The following TAS1R2 variants were observed in gnomAD, a reference collection of about 807,000 sequenced individuals.
The protein encoded by TAS1R2 is taste 1 receptor member 2.
TAS1R2 carries 47 observed loss-of-function variants against 49.3 expected under a neutral mutation model. The observed-to-expected ratio is 0.95, with a 90% CI of 0.75 to 1.22. TAS1R2 has a LOEUF of 1.22. TAS1R2 is among the 50% of genes most tolerant of loss of function. TAS1R2 has a pLI of 0.00. For synonymous variants in TAS1R2, 479 were observed against 467.9 expected, an observed-to-expected ratio of 1.02 and a Z score of -0.31; for missense variants, 1,155 against 1,122.1, an observed-to-expected ratio of 1.03 and a Z score of -0.42.
Position 18,854,686 on chromosome 1 carries a change from C to T in TAS1R2, c.784G>A (p.Asp262Asn), listed in dbSNP as rs1007497356. 2 of 1,613,720 alleles carry T rather than the reference C, an allele frequency of 1.2e-6. No homozygotes were observed. Among genetic ancestry groups the T allele is most frequent in the Non-Finnish European group, 1.7e-6 (2 of 1,179,966 alleles). ...CGCGCTGTGCTCTGCTGCAGCTTGT[C>T]CACAATGGTCACCAGGCGCTGGCGC... The change falls in exon 3 of 6, where the codon GAC becomes AAC. Residue 262 changes from aspartate (D) to asparagine (N), a missense_variant. Asp to Asn is a conservative substitution (Grantham distance 23). Transcript: ENST00000375371. This position sits in a 1 kb window ranked among gnomAD's most constrained non-coding sequence, Gnocchi z 4.9.
intron 4 of TAS1R2, among the ~76,000 whole-genome samples, chr1:18,845,471 G>A (rs1933901811): frequency 6.6e-6 from 1 of 152,202 alleles, no homozygotes; most frequent in Non-Finnish European, 1.5e-5. Context: ...ACCCATTGCA[G>A]CATTGGTGCT....
At chr1:18,850,422 G>A (rs2100516281) in intron 3 of TAS1R2, among the ~76,000 whole-genome samples, 1 of 152,354 alleles carries the variant, frequency 6.6e-6, no homozygotes, top group East Asian at 1.9e-4. Context: ...GTCGGGCCCT[G>A]GCCTTCTCCC....
At position 18,854,793 on chromosome 1, in the gene TAS1R2, C is replaced by A. The variant is rs777052368; in HGVS notation, c.677G>T (p.Arg226Leu). ...GATGCAGATGTCGCGCCGGGCCACGCGCTCGCCAAGCAGCTGGCCATTGTC... is the reference window on the plus strand; with the variant it reads ...GATGCAGATGTCGCGCCGGGCCACGAGCTCGCCAAGCAGCTGGCCATTGTC... Residue 226 changes from arginine (R) to leucine (L), a missense_variant, in exon 3 of 6, where the codon CGC becomes CTC. Transcript: ENST00000375371. This position sits in a 1 kb window ranked among gnomAD's most constrained non-coding sequence, Gnocchi z 4.9. 2.5e-6 allele frequency: 4 copies of A among 1,605,318 alleles called. No homozygotes were observed. In the South Asian group the frequency reaches 4.4e-5, roughly 18 times the overall value.
chr1:18,854,703 C>A lies in TAS1R2; in HGVS notation c.767G>T (p.Arg256Leu). 1 of 1,613,534 alleles carries A rather than the reference C, an allele frequency of 6.2e-7. No individual in the cohort carries two copies. The highest frequency in any genetic ancestry group is 8.5e-7 in the Non-Finnish European group (1 of 1,179,912). The stretch of plus-strand genomic sequence containing the variant: ...CAGCTTGTCCACAATGGTCACCAGG[C>A]GCTGGCGCTCCTCTGACGTCATGTT... The change falls in exon 3 of 6, where the codon CGC becomes CTC. Residue 256 changes from arginine to leucine, a missense_variant. Coordinates refer to ENST00000375371, the Ensembl canonical transcript of TAS1R2. The surrounding 1 kb of genome is among the most constrained non-coding windows in gnomAD (Gnocchi z 4.9).
chr1:18,840,982 C>T lies in TAS1R2; in HGVS notation c.1592-455G>A, dbSNP rs1360322980. Among the ~76,000 whole-genome samples, 3 of 152,206 alleles carry T rather than the reference C, an allele frequency of 2.0e-5. No individual in the cohort carries two copies. The South Asian group carries it at 6.2e-4, about 32-fold the overall frequency. On this transcript the variant is annotated intron_variant, in intron 5 of 5. Coordinates refer to ENST00000375371, the Ensembl canonical transcript of TAS1R2. Reference sequence around the variant, plus strand: ...GATGGATAAAACCCAGCCCTCACCTCGCCGCTATTGACTGACTGTGGGAGG... The same window carrying T: ...GATGGATAAAACCCAGCCCTCACCTTGCCGCTATTGACTGACTGTGGGAGG...
At chr1:18,848,054 C>G (rs1933953946) in intron 4 of TAS1R2, among the ~76,000 whole-genome samples, 1 of 152,158 alleles carries the variant, frequency 6.6e-6, no homozygotes, top group Admixed American at 6.5e-5. Flanking sequence ...ACACTGGATC[C>G]CTCTCACAAC....
chr1:18,841,799 A>C (rs1242584461), exon 5 of TAS1R2: 25 of 1,613,728 alleles, frequency 1.5e-5, no homozygotes, highest in Non-Finnish European at 1.9e-5. Flanking sequence ...GGATGCCCAC[A>C]GGCTTCTTCT....
At chr1:18,845,030 G>C (rs946679629) in intron 4 of TAS1R2, among the ~76,000 whole-genome samples, 1 of 152,200 alleles carries the variant, frequency 6.6e-6, no homozygotes, top group Non-Finnish European at 1.5e-5. Context: ...ACTGCTGAAA[G>C]ATCTATTACA....
chr1:18,840,151 G>C, exon 6 of TAS1R2: 2 of 1,614,254 alleles, frequency 1.2e-6, no homozygotes, highest in Non-Finnish European at 1.7e-6. Context: ...TGAAGGCGCA[G>C]ACGATCTGGA....
At chr1:18,853,672 A>G (rs1378466922) in intron 3 of TAS1R2, among the ~76,000 whole-genome samples, 1 of 152,180 alleles carries the variant, frequency 6.6e-6, no homozygotes, top group East Asian at 1.9e-4. Flanking sequence ...GATCTCTAAC[A>G]GCAAAGTATA....
intron 4 of TAS1R2, among the ~76,000 whole-genome samples, chr1:18,846,398 G>A (rs1251109781): frequency 6.6e-6 from 1 of 152,080 alleles, no homozygotes; most frequent in African/African-American, 2.4e-5. Flanking sequence ...TGTTCTCTTG[G>A]ACCAACTTTC....
At chr1:18,841,052 G>C (rs759662254) in intron 5 of TAS1R2, among the ~76,000 whole-genome samples, 3 of 152,220 alleles carry the variant, frequency 2.0e-5, no homozygotes, top group Admixed American at 6.5e-5. Context: ...CACCTGCTCT[G>C]TGTCCTGTGC....
chr1:18,842,110 C>T (rs185482753), intron 4 of TAS1R2, among the ~76,000 whole-genome samples: 136 of 152,296 alleles, frequency 8.9e-4, no homozygotes, highest in African/African-American at 3.2e-3. Flanking sequence ...TTTACCAGAA[C>T]CCAACTGATG....
In TAS1R2 at chr1:18,854,433, C is replaced by A; in HGVS notation, c.1037G>T (p.Gly346Val). The A allele has an allele frequency of 6.2e-7, 1 of 1,614,118 alleles. No homozygotes were observed. Reference sequence around the variant, plus strand: ...GCTGGTCCTGCTGAGGGGTGGCGGCCCAGCCTGTGGGCCCCACTCGCGGAA... The same window carrying A: ...GCTGGTCCTGCTGAGGGGTGGCGGCACAGCCTGTGGGCCCCACTCGCGGAA... Residue 346 changes from glycine to valine, a missense_variant, in exon 3 of 6, where the codon GGG (glycine) becomes GTG (valine). By Grantham distance (109) the Gly-to-Val change is moderately radical. Coordinates refer to ENST00000375371, the Ensembl canonical transcript of TAS1R2. This position sits in a 1 kb window ranked among gnomAD's most constrained non-coding sequence, Gnocchi z 4.9.
rs762674194 is a variant in TAS1R2 at position 18,840,393 on chromosome 1, C to T, written c.1726G>A (p.Gly576Ser). The change falls in exon 6 of 6, where the codon GGC becomes AGC. Residue 576 changes from glycine (G) to serine (S), a missense_variant. Transcript: ENST00000375371. ...AGGATGGCCAGGGTGCTGAGGAAGC[C>T]CAGGGCGGCCAGCAGGGCCACAGCG... is the stretch of plus-strand genomic sequence containing the variant. The T allele has an allele frequency of 1.2e-5, 20 of 1,614,036 alleles. No homozygotes were observed. The South Asian group carries it at 2.1e-4, about 17-fold the overall frequency.
At chr1:18,846,689 A>G (rs1017333875) in intron 4 of TAS1R2, among the ~76,000 whole-genome samples, 1 of 152,236 alleles carries the variant, frequency 6.6e-6, no homozygotes, top group Admixed American at 6.5e-5. Context: ...CCTTAATCTC[A>G]TATGAGTGAT....
chr1:18,857,485 G>A (rs572724301), exon 2 of TAS1R2: 33 of 1,614,180 alleles, frequency 2.0e-5, no homozygotes, highest in Admixed American at 6.7e-5. Flanking sequence ...GTAGAGCACC[G>A]GCTGGACATT....
chr1:18,852,293 C>G (rs764022199), intron 3 of TAS1R2, among the ~76,000 whole-genome samples: 13 of 152,180 alleles, frequency 8.5e-5, no homozygotes, highest in Non-Finnish European at 1.9e-4. Context: ...GCAGGTTGAG[C>G]CCTTCATGAG....
intron 1 of TAS1R2, 82 bp from the exon 2 acceptor site, chr1:18,857,713 T>A: frequency 6.8e-7 from 1 of 1,475,162 alleles, no homozygotes; most frequent in Non-Finnish European, 9.1e-7. Flanking sequence ...CACTCCTCCT[T>A]CCTGCCACAG....
Sources: gnomAD v4.1 joint callset for allele counts (sites outside exome capture counted in the v4.1 genomes callset) on GRCh38, gnomAD v4.1.1 for gene constraint, Gnocchi (gnomAD v3.1) non-coding constraint, MANE v1.5 for transcripts, NCBI Gene and HGNC (gene_info 2026-07-23, HGNC 2026-07-21) for gene names.